TMEM117: variants seen among roughly 807,000 people sequenced by gnomAD.
TMEM117 encodes the protein transmembrane protein 117.
A neutral mutation model predicts 52.4 loss-of-function variants in TMEM117; 27 were observed. That is an observed-to-expected ratio of 0.51 (90% CI 0.38 to 0.71). TMEM117 has a LOEUF of 0.71. Among genes scored for constraint, TMEM117 ranks in the 30% least tolerant of loss-of-function variants. The pLI is 0.00. For synonymous variants in TMEM117, 215 were observed against 206.3 expected, an observed-to-expected ratio of 1.04 and a Z score of -0.36; for missense variants, 556 against 630.5, an observed-to-expected ratio of 0.88 and a Z score of 1.26.
chr12:43,988,599 G>A (rs1945886475), intron 3 of TMEM117, among the ~76,000 whole-genome samples: 2 of 152,048 alleles, frequency 1.3e-5, no homozygotes, highest in African/African-American at 2.4e-5. Flanking sequence ...TCAATGGTTA[G>A]CAATGGGAAT....
intron 1 of TMEM117, among the ~76,000 whole-genome samples, chr12:43,842,179 C>G (rs1386913824): frequency 6.6e-6 from 1 of 151,386 alleles, no homozygotes; most frequent in Non-Finnish European, 1.5e-5. Flanking sequence ...CATAAAAGTT[C>G]ATTTTTTTTG....
chr12:43,844,822 A>G lies in TMEM117; in HGVS notation c.171A>G (p.Lys57=). The part of the protein sequence containing the change: ...VGNCFSFVTN[K]YPRGVGWRIL... ...ACTGTTTTTCATTTGTTACAAATAA[A>G]TACCCTAGAGGAGTTGGCTGGAGGA... Residue 57 remains lysine, a synonymous_variant, in exon 2 of 8, where the codon AAA becomes AAG. Coordinates refer to ENST00000266534, the MANE Select transcript of TMEM117 (RefSeq NM_032256.3). 6.2e-7 allele frequency: 1 copy of G among 1,614,216 alleles called. No homozygotes were observed.
intron 5 of TMEM117, among the ~76,000 whole-genome samples, chr12:44,282,073 G>A (rs568403743): frequency 1.1e-3 from 170 of 152,186 alleles, no homozygotes; most frequent in Admixed American, 3.1e-3. Flanking sequence ...GAACTGATGG[G>A]TTTATCAGGG....
rs115421778 is a variant in TMEM117, at chr12:44,162,747, G to A, written c.510+19123G>A. On this transcript the variant is annotated intron_variant, in intron 4 of 7. Transcript: ENST00000266534. Reference sequence around the variant, plus strand: ...TTGTTCTGTTGAAAATGTCTCTGATGTTGTCTTGCCTCCATTTCATAAAAG... The same window carrying A: ...TTGTTCTGTTGAAAATGTCTCTGATATTGTCTTGCCTCCATTTCATAAAAG... Among the ~76,000 whole-genome samples, 1,298 of 152,264 alleles carry A rather than the reference G, an allele frequency of 8.5e-3. 13 individuals carry two copies. Among genetic ancestry groups the A allele is most frequent in the African/African-American group, 0.03 (1,234 of 41,560 alleles).
chr12:43,884,561 G>T (rs1268326837), intron 2 of TMEM117, among the ~76,000 whole-genome samples: 1 of 152,050 alleles, frequency 6.6e-6, no homozygotes, highest in African/African-American at 2.4e-5. Flanking sequence ...AAAGACAATT[G>T]GCTTTTCTTG....
At chr12:44,345,872 A>G (rs1374764828) in intron 6 of TMEM117, among the ~76,000 whole-genome samples, 2 of 152,122 alleles carry the variant, frequency 1.3e-5, no homozygotes, top group African/African-American at 2.4e-5. Flanking sequence ...AAATAGGATT[A>G]TAATTAGGCA....
intron 3 of TMEM117, among the ~76,000 whole-genome samples, chr12:43,978,482 G>C (rs922776296): frequency 3.3e-5 from 5 of 151,698 alleles, no homozygotes; most frequent in African/African-American, 1.2e-4. Flanking sequence ...AACGAGTGAG[G>C]GAATTATGTG....
intron 6 of TMEM117, among the ~76,000 whole-genome samples, chr12:44,338,582 A>C (rs1290553353): frequency 6.6e-6 from 1 of 152,026 alleles, no homozygotes; most frequent in Non-Finnish European, 1.5e-5. Flanking sequence ...ATTACAATGG[A>C]AATTAAGGAA....
intron 6 of TMEM117, 140 bp from the exon 7 acceptor site, chr12:44,376,455 C>G (rs764067493): frequency 7.3e-5 from 72 of 986,894 alleles, no homozygotes; most frequent in Non-Finnish European, 1.0e-4. Flanking sequence ...ATAACCATCA[C>G]AGAATGAAAC....
At chr12:44,139,099 T>G (rs887888427) in intron 3 of TMEM117, among the ~76,000 whole-genome samples, 1 of 152,148 alleles carries the variant, frequency 6.6e-6, no homozygotes, top group Non-Finnish European at 1.5e-5. Flanking sequence ...TTATTTATGT[T>G]GTCCAAACAT....
chr12:44,366,020 C>A (rs1951784520), intron 6 of TMEM117, among the ~76,000 whole-genome samples: 1 of 151,906 alleles, frequency 6.6e-6, no homozygotes, highest in Non-Finnish European at 1.5e-5. Context: ...TAATTTGATT[C>A]TTTATTTATC....
Position 44,304,047 on chromosome 12 carries a change from T to C in TMEM117, c.768+4308T>C, listed in dbSNP as rs532066229. Among the ~76,000 whole-genome samples, 4 of 152,246 alleles carry C rather than the reference T, an allele frequency of 2.6e-5. No individual in the cohort carries two copies. The East Asian group carries it at 5.8e-4, about 22-fold the overall frequency. On this transcript the variant is annotated intron_variant, in intron 6 of 7. Transcript: ENST00000266534. Reference sequence around the variant, plus strand: ...ACCTCCATAAGAACCAAAAATCAGATGAATGATCACAGTGCTTGGTTTTAA... The same window carrying C: ...ACCTCCATAAGAACCAAAAATCAGACGAATGATCACAGTGCTTGGTTTTAA...
intron 6 of TMEM117, among the ~76,000 whole-genome samples, chr12:44,366,077 G>A (rs1296876898): frequency 6.6e-6 from 1 of 152,042 alleles, no homozygotes; most frequent in South Asian, 2.1e-4. Flanking sequence ...CATCTAGTGA[G>A]CATTGAGTAA....
intron 6 of TMEM117, among the ~76,000 whole-genome samples, chr12:44,307,645 G>A (rs904128911): frequency 1.3e-5 from 2 of 152,142 alleles, no homozygotes; most frequent in African/African-American, 2.4e-5. Context: ...TAGTACAGCG[G>A]GGAGACAGAG....
At chr12:44,115,077 G>A (rs947601973) in intron 3 of TMEM117, among the ~76,000 whole-genome samples, 2 of 152,112 alleles carry the variant, frequency 1.3e-5, no homozygotes, top group Admixed American at 6.5e-5. Context: ...CAAATATGTA[G>A]CATATGCGTC....
intron 5 of TMEM117, among the ~76,000 whole-genome samples, chr12:44,222,147 T>A (rs1424457748): frequency 6.6e-6 from 1 of 152,194 alleles, no homozygotes; most frequent in Non-Finnish European, 1.5e-5. Flanking sequence ...TCCTGTTTGA[T>A]CTTTTAATTC....
chr12:43,986,521 GTA>G (rs1315413190), intron 3 of TMEM117, among the ~76,000 whole-genome samples: 2 of 151,894 alleles, frequency 1.3e-5, no homozygotes, highest in Admixed American at 6.6e-5. Context: ...AGATCTCCTT[GTA>G]TTTGAAGTTC....
At chr12:44,081,398 C>T (rs1441848566) in intron 3 of TMEM117, among the ~76,000 whole-genome samples, 1 of 152,082 alleles carries the variant, frequency 6.6e-6, no homozygotes, top group Non-Finnish European at 1.5e-5. Flanking sequence ...GCATGGTGTT[C>T]CAGCTTTTTG....
At chr12:44,393,277 G>T (rs1952169203), downstream of TMEM117, among the ~76,000 whole-genome samples, 1 of 152,078 alleles carries the variant, frequency 6.6e-6, no homozygotes, top group South Asian at 2.1e-4. Flanking sequence ...AACTGAGAAA[G>T]ACCACGATAA....
Sources: gnomAD v4.1 joint callset for allele counts (sites outside exome capture counted in the v4.1 genomes callset) on GRCh38, gnomAD v4.1.1 for gene constraint, MANE v1.5 for transcripts, NCBI Gene and HGNC (gene_info 2026-07-23, HGNC 2026-07-21) for gene names.